The following PAM variants were observed in gnomAD, a reference collection of about 807,000 sequenced individuals.
The protein encoded by PAM is peptidylglycine alpha-amidating monooxygenase.
Under a neutral mutation model 122.1 loss-of-function variants are expected in PAM, and 72 were observed. The ratio of observed to expected loss-of-function variants is 0.59; its 90% CI spans 0.49 to 0.72. The LOEUF (loss-of-function observed/expected upper bound fraction) is 0.72, where lower values mean the gene tolerates loss of function less well. Among genes scored for constraint, PAM ranks in the 30% least tolerant of loss-of-function variants. The probability of loss-of-function intolerance (pLI) is 0.00; values close to 1 mark genes in which losing one functional copy is unlikely to be tolerated. For missense variants in PAM, 1,106 were observed against 1,183.7 expected, an observed-to-expected ratio of 0.93 and a Z score of 0.96; for synonymous variants, 389 against 404.4, an observed-to-expected ratio of 0.96 and a Z score of 0.46.
chr5:102,969,127 T>C (rs1765024464), intron 14 of PAM, among the ~76,000 whole-genome samples: 1 of 151,936 alleles, frequency 6.6e-6, no homozygotes, highest in South Asian at 2.1e-4. Context: ...TTAGGAGGAA[T>C]ACCTAATGTA....
At chr5:102,970,916 C>T (rs1266304865) in intron 14 of PAM, among the ~76,000 whole-genome samples, 1 of 152,104 alleles carries the variant, frequency 6.6e-6, no homozygotes, top group Admixed American at 6.6e-5. Context: ...AAGCAATTCT[C>T]GTGCCTCCGC....
chr5:102,799,050 G>GTT (rs1764055354), intron 1 of PAM, among the ~76,000 whole-genome samples: 1 of 152,154 alleles, frequency 6.6e-6, no homozygotes, highest in Non-Finnish European at 1.5e-5. Flanking sequence ...GTGTGTGTTT[G>GTT]TTTTTAAAAG....
At chr5:102,815,177 T>A (rs1232350204) in intron 1 of PAM, among the ~76,000 whole-genome samples, 1 of 152,160 alleles carries the variant, frequency 6.6e-6, no homozygotes, top group Non-Finnish European at 1.5e-5. Flanking sequence ...CAGTTAACAG[T>A]ATTTCCTTCT....
At chr5:103,008,451 C>G (rs759621108) in intron 20 of PAM, among the ~76,000 whole-genome samples, 8 of 152,022 alleles carry the variant, frequency 5.3e-5, no homozygotes, top group Non-Finnish European at 1.0e-4. Flanking sequence ...AAAATATGCT[C>G]TTTTCACAAT....
chr5:102,921,883 A>T (rs1216343098), intron 5 of PAM, among the ~76,000 whole-genome samples: 1 of 152,086 alleles, frequency 6.6e-6, no homozygotes, highest in Non-Finnish European at 1.5e-5. Flanking sequence ...TAGCTGTTTG[A>T]CCTTTGGAAG....
At chr5:102,773,734 CTTTTA>C (rs1756406182) in intron 1 of PAM, among the ~76,000 whole-genome samples, 1 of 151,768 alleles carries the variant, frequency 6.6e-6, no homozygotes, top group Non-Finnish European at 1.5e-5. Context: ...TTTTTATTAA[CTTTTA>C]TTTTAGGTTC....
chr5:102,770,828 G>C (rs1755555609), intron 1 of PAM, among the ~76,000 whole-genome samples: 1 of 151,924 alleles, frequency 6.6e-6, no homozygotes, highest in Non-Finnish European at 1.5e-5. Flanking sequence ...ATCTTTGTCT[G>C]TTTGTGGTAT....
chr5:102,913,134 G>C (rs938102237), intron 4 of PAM, among the ~76,000 whole-genome samples: 1 of 151,904 alleles, frequency 6.6e-6, no homozygotes, highest in African/African-American at 2.4e-5. Context: ...AAGGTGACTC[G>C]TAAACAGCTA....
At chr5:102,934,000 C>T (rs1418547936) in intron 7 of PAM, among the ~76,000 whole-genome samples, 1 of 152,202 alleles carries the variant, frequency 6.6e-6, no homozygotes, top group East Asian at 1.9e-4. Flanking sequence ...TAGCTTCCTC[C>T]TACCTGCTTT....
chr5:102,832,379 G>A (rs2150450369), intron 1 of PAM, among the ~76,000 whole-genome samples: 1 of 151,968 alleles, frequency 6.6e-6, no homozygotes, highest in Non-Finnish European at 1.5e-5. Context: ...CCTATGTACA[G>A]CAGTTCCCCC....
intron 1 of PAM, among the ~76,000 whole-genome samples, chr5:102,845,129 G>A (rs998285956): frequency 6.6e-6 from 1 of 152,234 alleles, no homozygotes; most frequent in African/African-American, 2.4e-5. Context: ...TAAAGCTGCA[G>A]TCCGTGGGCC....
At chr5:102,990,446 G>A (rs1480711970) in intron 16 of PAM, 45 bp downstream of exon 16, 4 of 1,440,722 alleles carry the variant, frequency 2.8e-6, no homozygotes, top group African/African-American at 1.4e-5. Context: ...AATAAAAATA[G>A]TGTACATAAT....
At chr5:102,834,117 T>A (rs184373634) in intron 1 of PAM, among the ~76,000 whole-genome samples, 2 of 152,300 alleles carry the variant, frequency 1.3e-5, no homozygotes, top group East Asian at 3.9e-4. Context: ...GGAACTTGCC[T>A]GAATTTAATG....
intron 13 of PAM, 97 bp downstream of exon 13, chr5:102,960,156 C>T: frequency 1.5e-6 from 1 of 673,148 alleles, no homozygotes; most frequent in East Asian, 2.8e-5. Flanking sequence ...TCTTTATTCC[C>T]TTCTTCTACC....
intron 17 of PAM, among the ~76,000 whole-genome samples, chr5:103,004,329 T>C (rs1344130114): frequency 6.6e-6 from 1 of 152,174 alleles, no homozygotes; most frequent in African/African-American, 2.4e-5. Flanking sequence ...CGGTGGAGTA[T>C]CTGTTTGAAA....
Position 102,802,180 on chromosome 5 carries a change from C to G in PAM, c.-374+46832C>G, listed in dbSNP as rs184763617. On this transcript the variant is annotated intron_variant, in intron 1 of 25. Coordinates refer to ENST00000438793, the MANE Select transcript of PAM (RefSeq NM_001177306.2). Reference sequence around the variant, plus strand: ...AAAAGTATATTAGAACTTAATCCAGCTCTTCCTTTGGGACTTATAATCAAA... The same window carrying G: ...AAAAGTATATTAGAACTTAATCCAGGTCTTCCTTTGGGACTTATAATCAAA... Among the ~76,000 whole-genome samples the G allele has an allele frequency of 2.1e-3, 325 of 152,294 alleles. 1 individual carries two copies. The highest frequency in any genetic ancestry group is 7.5e-3 in the African/African-American group (310 of 41,550).
intron 1 of PAM, among the ~76,000 whole-genome samples, chr5:102,792,805 T>C (rs1762378269): frequency 6.6e-6 from 1 of 152,182 alleles, no homozygotes; most frequent in Non-Finnish European, 1.5e-5. Context: ...ACCACAGTTA[T>C]TATGGTGGTC....
Position 102,946,827 on chromosome 5 carries a change from G to A in PAM, c.527-10G>A, listed in dbSNP as rs746339590. 2 of 1,546,340 alleles carry A rather than the reference G, an allele frequency of 1.3e-6. No individual in the cohort carries two copies. Among genetic ancestry groups the A allele is most frequent in the South Asian group, 1.1e-5 (1 of 88,802 alleles). Reference sequence around the variant, plus strand: ...ATATTTAAGATATGTGTTTCTATGTGTGTTTTCAGATAATAACAAGGACTG... The same window carrying A: ...ATATTTAAGATATGTGTTTCTATGTATGTTTTCAGATAATAACAAGGACTG... On this transcript the variant is annotated splice_polypyrimidine_tract_variant and intron_variant, in intron 7 of 25. Coordinates refer to ENST00000438793, the MANE Select transcript of PAM (RefSeq NM_001177306.2).
intron 1 of PAM, among the ~76,000 whole-genome samples, chr5:102,782,924 T>C (rs1395070708): frequency 1.3e-5 from 2 of 152,104 alleles, no homozygotes; most frequent in Non-Finnish European, 2.9e-5. Context: ...GAGATGCTAA[T>C]GGCCTTTCAT....
Sources: allele counts gnomAD v4.1 joint callset (sites outside exome capture counted in the v4.1 genomes callset), GRCh38; gene constraint gnomAD v4.1.1; transcripts MANE v1.5; gene names NCBI Gene and HGNC (gene_info 2026-07-23, HGNC 2026-07-21).